WWOX: variants seen among roughly 807,000 people sequenced by gnomAD.
The protein encoded by WWOX is WW domain containing oxidoreductase.
WWOX carries 69 observed loss-of-function variants against 46.2 expected under a neutral mutation model. That is an observed-to-expected ratio of 1.49 (90% confidence interval 1.23 to 1.82). The LOEUF (loss-of-function observed/expected upper bound fraction) is 1.82. Ranked by LOEUF, WWOX falls within the 40% of genes most tolerant of loss-of-function variation. The pLI, the probability that WWOX is intolerant of heterozygous loss-of-function variation, is 0.00. For missense variants in WWOX, 919 were observed against 542.6 expected (o/e 1.69, Z -6.89); for synonymous variants, 359 against 202.6 (o/e 1.77, Z -6.56).
At chr16:78,384,754 A>G (rs899127437) in intron 5 of WWOX, among the ~76,000 whole-genome samples, 7 of 152,156 alleles carry the variant, frequency 4.6e-5, no homozygotes, top group Admixed American at 1.3e-4. Flanking sequence ...CAGGAATTTA[A>G]ATCTGTGTTT....
intron 5 of WWOX, chr16:78,355,651 A>G: frequency 1.5e-6 from 1 of 669,362 alleles, no homozygotes; most frequent in Non-Finnish European, 2.7e-6. Context: ...TTCGAGGCAG[A>G]TTACATACTT....
intron 8 of WWOX, among the ~76,000 whole-genome samples, chr16:78,650,873 T>C (rs902024242): frequency 6.6e-6 from 1 of 152,230 alleles, no homozygotes; most frequent in Non-Finnish European, 1.5e-5. Context: ...TTTATATTAT[T>C]GCTTACTTGG....
At chr16:78,668,653 A>G (rs1167783318) in intron 8 of WWOX, among the ~76,000 whole-genome samples, 1 of 152,156 alleles carries the variant, frequency 6.6e-6, no homozygotes, top group Admixed American at 6.5e-5. Context: ...TGAGGATAAG[A>G]AGGAGGAAGC....
At chr16:78,455,279 G>A (rs1052996398) in intron 8 of WWOX, among the ~76,000 whole-genome samples, 1 of 149,530 alleles carries the variant, frequency 6.7e-6, no homozygotes, top group Admixed American at 6.6e-5. Context: ...GGACAAGGAC[G>A]ATGGACAAAG....
intron 8 of WWOX, among the ~76,000 whole-genome samples, chr16:78,845,091 A>G (rs1397563349): frequency 2.0e-5 from 3 of 149,406 alleles, no homozygotes; most frequent in African/African-American, 5.0e-5. Flanking sequence ...GTCTCCTCCT[A>G]TTTAATAGCC....
At chr16:78,593,184 C>G (rs59326031) in intron 8 of WWOX, among the ~76,000 whole-genome samples, 4,021 of 150,468 alleles carry the variant, frequency 0.027, 73 homozygotes, top group Middle Eastern at 0.048. Flanking sequence ...TATCCTGATT[C>G]TTTTGAGGAT....
At chr16:78,445,458 G>A (rs1482523464) in intron 8 of WWOX, among the ~76,000 whole-genome samples, 2 of 152,182 alleles carry the variant, frequency 1.3e-5, no homozygotes, top group Non-Finnish European at 2.9e-5. Flanking sequence ...CTGTCCTCAT[G>A]GGGACCGTAT....
chr16:78,723,579 TTTC>T (rs1160922982), intron 8 of WWOX, among the ~76,000 whole-genome samples: 5 of 67,756 alleles, frequency 7.4e-5, no homozygotes, highest in African/African-American at 2.7e-4. Flanking sequence ...TTTCTTTTCT[TTTC>T]TTTTCTTTTC....
At chr16:78,493,736 G>A (rs548086299) in intron 8 of WWOX, among the ~76,000 whole-genome samples, 1 of 152,268 alleles carries the variant, frequency 6.6e-6, no homozygotes, top group South Asian at 2.1e-4. Context: ...TACCCCCATT[G>A]TAGAGATGAG....
chr16:78,702,829 A>G (rs926478345), intron 8 of WWOX, among the ~76,000 whole-genome samples: 24 of 152,290 alleles, frequency 1.6e-4, no homozygotes, highest in African/African-American at 5.5e-4. Flanking sequence ...AGGGAAACAC[A>G]TAACTGGAAC....
chr16:78,207,054 G>C (rs969017661), intron 5 of WWOX, among the ~76,000 whole-genome samples: 8 of 152,162 alleles, frequency 5.3e-5, no homozygotes, highest in Admixed American at 5.2e-4. Context: ...ATTTTCCCAG[G>C]GCCAGAGGGC....
chr16:78,665,449 C>T (rs971897398), intron 8 of WWOX, among the ~76,000 whole-genome samples: 1 of 152,058 alleles, frequency 6.6e-6, no homozygotes, highest in African/African-American at 2.4e-5. Context: ...CATGGGAAGG[C>T]CGTACTTTCC....
chr16:78,457,667 A>T (rs1413393715), intron 8 of WWOX, among the ~76,000 whole-genome samples: 1 of 152,024 alleles, frequency 6.6e-6, no homozygotes, highest in East Asian at 1.9e-4. Context: ...TAATCCCAGC[A>T]CTTTGGGAGG....
rs1232802211 is a variant in WWOX at position 78,691,536 on chromosome 16, G to C, written c.1056+258784G>C. 3.3e-5 allele frequency among the ~76,000 whole-genome samples: 5 copies of C among 151,898 alleles called. No individual in the cohort carries two copies. In the East Asian group the frequency reaches 9.7e-4, roughly 29 times the overall value. On this transcript the variant is annotated intron_variant, in intron 8 of 8. Transcript: ENST00000566780. ...AGTCTGGGCAACAACGTGAGATCCTGTCTCTACAAAAAATAAAAAAAATTA... is the reference window on the plus strand; with the variant it reads ...AGTCTGGGCAACAACGTGAGATCCTCTCTCTACAAAAAATAAAAAAAATTA...
At chr16:79,122,372 C>T (rs1022769719) in intron 8 of WWOX, among the ~76,000 whole-genome samples, 1 of 152,168 alleles carries the variant, frequency 6.6e-6, no homozygotes, top group Non-Finnish European at 1.5e-5. Context: ...CTTCTAAAAG[C>T]CGCACAAAAT....
intron 8 of WWOX, among the ~76,000 whole-genome samples, chr16:78,923,322 G>A (rs2045422894): frequency 6.6e-6 from 1 of 151,766 alleles, no homozygotes; most frequent in Admixed American, 6.6e-5. Context: ...GCCCACCATG[G>A]CTTAATTTCA....
intron 8 of WWOX, among the ~76,000 whole-genome samples, chr16:79,159,544 A>C (rs2050444810): frequency 6.6e-6 from 1 of 152,156 alleles, no homozygotes; most frequent in South Asian, 2.1e-4. Flanking sequence ...GGGCACTCAG[A>C]TGCTGGAATT....
At chr16:78,544,441 G>A (rs1317086208) in intron 8 of WWOX, among the ~76,000 whole-genome samples, 2 of 152,152 alleles carry the variant, frequency 1.3e-5, no homozygotes, top group African/African-American at 4.8e-5. Context: ...TTCCTCATTT[G>A]CAGATGAGGA....
chr16:79,196,435 T>C (rs1285653744), intron 8 of WWOX: 1 of 151,702 alleles, frequency 6.6e-6, no homozygotes, highest in Non-Finnish European at 1.5e-5. Context: ...ATGTGCTCTG[T>C]GTGCTGGAAG....
Sources: gnomAD v4.1 joint callset for allele counts (sites outside exome capture counted in the v4.1 genomes callset) on GRCh38, gnomAD v4.1.1 for gene constraint, MANE v1.5 for transcripts, NCBI Gene and HGNC (gene_info 2026-07-23, HGNC 2026-07-21) for gene names.